The following LDLRAD1 variants were observed in gnomAD, a reference collection of about 807,000 sequenced individuals.
LDLRAD1 encodes low-density lipoprotein receptor class A domain-containing protein 1.
LDLRAD1 carries 17 observed loss-of-function variants against 24.8 expected under a neutral mutation model. That is an observed-to-expected ratio of 0.69 (90% confidence interval 0.47 to 1.03). LDLRAD1 has a LOEUF of 1.03. Among genes scored for constraint, LDLRAD1 ranks in the 50% least tolerant of loss-of-function variants. The pLI is 0.00. For missense variants in LDLRAD1, 277 were observed against 271.0 expected (o/e 1.02, Z -0.16); for synonymous variants, 103 against 108.2 (o/e 0.95, Z 0.30).
At chr1:54,009,991 C>G (rs1482615014) in intron 5 of LDLRAD1, among the ~76,000 whole-genome samples, 1 of 152,160 alleles carries the variant, frequency 6.6e-6, no homozygotes, top group Non-Finnish European at 1.5e-5. Flanking sequence ...GGTTCAAATC[C>G]CAGCTGGGCC....
intron 3 of LDLRAD1, among the ~76,000 whole-genome samples, chr1:54,013,067 G>T (rs568763818): frequency 1.4e-4 from 22 of 152,114 alleles, no homozygotes; most frequent in East Asian, 3.9e-4. Context: ...GAGGCGGCGG[G>T]GGGGAGCAAC....
At chr1:54,014,124 A>C (rs1656185628) in intron 3 of LDLRAD1, 112 bp downstream of exon 3, 2 of 1,265,142 alleles carry the variant, frequency 1.6e-6, no homozygotes, top group Admixed American at 4.4e-5. Context: ...TTAAGGAATT[A>C]GTCCAAAGTC....
At chr1:54,016,645 A>C (rs1041569486) in intron 2 of LDLRAD1, among the ~76,000 whole-genome samples, 8 of 152,110 alleles carry the variant, frequency 5.3e-5, no homozygotes, top group African/African-American at 1.7e-4. Flanking sequence ...AACCAGAGAG[A>C]CCTCAGTTCA....
At chr1:54,014,797 T>C (rs899066240) in intron 2 of LDLRAD1, among the ~76,000 whole-genome samples, 3 of 152,244 alleles carry the variant, frequency 2.0e-5, no homozygotes, top group African/African-American at 4.8e-5. Flanking sequence ...AAAAGATTCA[T>C]GTCACCCTGG....
rs1655872101 is a variant in LDLRAD1, at chr1:54,007,640, T to C, written c.*1342A>G. On this transcript the variant is annotated 3_prime_UTR_variant, in exon 6 of 6. Transcript: ENST00000371360. ...TCCTATTTTTTGTAGAGACAGGTTC[T>C]CCCTATGTTGCCCAGGCTGGTCTCG... 1 of 152,314 alleles carries C rather than the reference T, an allele frequency of 6.6e-6. No homozygotes were observed. Among genetic ancestry groups the C allele is most frequent in the Non-Finnish European group, 1.5e-5 (1 of 68,182 alleles). The allele number at this position is 152,314 out of a possible 1,614,324, so 9.4% of individuals were successfully genotyped here. A position where few individuals can be genotyped will look rare whatever the true frequency, so the allele number is the denominator to read the frequency against.
Position 54,008,807 on chromosome 1 carries a change from A to G in LDLRAD1, c.*175T>C, listed in dbSNP as rs1655919179. 1.6e-6 allele frequency: 1 copy of G among 611,190 alleles called. No homozygotes were observed. The highest frequency in any genetic ancestry group is 2.9e-5 in the East Asian group (1 of 34,604). The allele number at this position is 611,190 out of a possible 1,614,324, so 37.9% of individuals were successfully genotyped here. ...TAATGAGCTCCTGGTCATTGGAAGC[A>G]TTCAAGCAGAGGCTGAACAACTTGA... is the stretch of plus-strand genomic sequence containing the variant. On this transcript the variant is annotated 3_prime_UTR_variant, in exon 6 of 6. Transcript: ENST00000371360.
intron 4 of LDLRAD1, among the ~76,000 whole-genome samples, chr1:54,010,646 C>G (rs1450019965): frequency 6.6e-6 from 1 of 152,060 alleles, no homozygotes; most frequent in Non-Finnish European, 1.5e-5. Flanking sequence ...AGTTCCTCCC[C>G]AGCTCTGGTG....
At chr1:54,015,971 T>C (rs1656289226) in intron 2 of LDLRAD1, among the ~76,000 whole-genome samples, 1 of 152,006 alleles carries the variant, frequency 6.6e-6, no homozygotes, top group Non-Finnish European at 1.5e-5. Flanking sequence ...TTGTGAACAC[T>C]CTGTGAATAT....
intron 4 of LDLRAD1, 103 bp from the exon 5 acceptor site, chr1:54,010,513 G>T (rs1656007114): frequency 2.5e-6 from 3 of 1,189,158 alleles, no homozygotes; most frequent in Admixed American, 2.0e-5. Flanking sequence ...CCAAACTCAG[G>T]ATCAGTGCCC....
intron 1 of LDLRAD1, among the ~76,000 whole-genome samples, 189 bp downstream of exon 1, chr1:54,017,903 C>T (rs1170069421): frequency 6.6e-6 from 1 of 152,144 alleles, no homozygotes; most frequent in Admixed American, 6.5e-5. Context: ...TATGCCCACT[C>T]TCTACTGCCC....
chr1:54,014,528 A>T (rs1469077824), intron 2 of LDLRAD1, among the ~76,000 whole-genome samples, 164 bp from the exon 3 acceptor site: 1 of 152,046 alleles, frequency 6.6e-6, no homozygotes, highest in Non-Finnish European at 1.5e-5. Context: ...GCCCTCCTTG[A>T]TGCTCTTTGT....
Position 54,008,907 on chromosome 1 carries a change from C to CCG in LDLRAD1, c.*74_*75insCG. ...AAAGGCTGCTTCCTGCCCTTGTGCG[C>CCG]TAGGATTTGATTTTCATGTGAAGGG... On this transcript the variant is annotated 3_prime_UTR_variant, in exon 6 of 6. Coordinates refer to ENST00000371360, the MANE Select transcript of LDLRAD1 (RefSeq NM_001010978.4). The CCG allele has an allele frequency of 7.2e-7, 1 of 1,397,716 alleles. No individual in the cohort carries two copies. The highest frequency in any genetic ancestry group is 9.8e-7 in the Non-Finnish European group (1 of 1,020,108). The allele number at this position is 1,397,716 out of a possible 1,614,324, so 86.6% of individuals were successfully genotyped here.
Position 54,012,150 on chromosome 1 carries a change from G to A in LDLRAD1, c.333C>T (p.Ser111=). 6.2e-7 allele frequency: 1 copy of A among 1,613,894 alleles called. No homozygotes were observed. Among genetic ancestry groups the A allele is most frequent in the African/African-American group, 1.3e-5 (1 of 75,066 alleles). ...CACCGAGCGGGTACTCACGGCACAA[G>A]CTCTCATCCTCGTCCTCGCCGTGGG... is the stretch of plus-strand genomic sequence containing the variant. ...TCTHGEDEDE[S]LCRDVPQSLP... is the part of the protein sequence containing the mutation. The change falls in exon 4 of 6, where the codon AGC becomes AGT. Residue 111 remains serine, a synonymous_variant. Transcript: ENST00000371360.
chr1:54,016,855 C>T (rs1272183837), intron 2 of LDLRAD1, among the ~76,000 whole-genome samples: 1 of 152,200 alleles, frequency 6.6e-6, no homozygotes, highest in Non-Finnish European at 1.5e-5. Flanking sequence ...TTTAATCTAC[C>T]TCTCTGAGTG....
intron 4 of LDLRAD1, among the ~76,000 whole-genome samples, chr1:54,011,903 C>T (rs1405576187): frequency 6.6e-6 from 1 of 152,174 alleles, no homozygotes; most frequent in African/African-American, 2.4e-5. Flanking sequence ...TTGAACTCTG[C>T]CTTGAGGGAT....
chr1:54,007,344 G>A lies in LDLRAD1; in HGVS notation c.*1638C>T, dbSNP rs1234246767. 6.6e-6 allele frequency: 1 copy of A among 152,176 alleles called. No individual in the cohort carries two copies. The highest frequency in any genetic ancestry group is 1.9e-4 in the East Asian group (1 of 5,204). 9.4% of individuals were successfully genotyped at this position (152,176 alleles called of 1,614,324 possible). A position where few individuals can be genotyped will look rare whatever the true frequency, so the allele number is the denominator to read the frequency against. On this transcript the variant is annotated 3_prime_UTR_variant, in exon 6 of 6. Transcript: ENST00000371360. ...TTAATTTTTCAGTGGGGATATGTCT[G>A]TCTCCCTCGACAGGAGCCCTCCCAT...
Position 54,010,140 on chromosome 1 carries a change from G to A in LDLRAD1, c.469+142C>T, listed in dbSNP as rs77057749. 5,419 of 859,724 alleles carry A rather than the reference G, an allele frequency of 6.3e-3. 201 individuals are homozygous for A. The African/African-American group carries it at 0.081, about 13-fold the overall frequency. 53.3% of individuals were successfully genotyped at this position (859,724 alleles called of 1,614,324 possible). On this transcript the variant is annotated intron_variant, in intron 5 of 5. Coordinates refer to ENST00000371360, the MANE Select transcript of LDLRAD1 (RefSeq NM_001010978.4). ...GGTAGTGAGTACCCCATCACAGGAT[G>A]TATTCAAGCAGGGGTAGAAAACTCC... is the stretch of plus-strand genomic sequence containing the variant.
At chr1:54,010,235 T>G (rs763297973) in intron 5 of LDLRAD1, 47 bp downstream of exon 5, 5 of 1,608,610 alleles carry the variant, frequency 3.1e-6, no homozygotes, top group Middle Eastern at 3.4e-4. Flanking sequence ...GCCCTCTGGC[T>G]GCTGCCTGGA....
chr1:54,012,141 A>C lies in LDLRAD1; in HGVS notation c.340+2T>G. ...GAGGGGCAGCACCGAGCGGGTACTC[A>C]CGGCACAAGCTCTCATCCTCGTCCT... On this transcript the variant is annotated splice_donor_variant, in intron 4 of 5. Transcript: ENST00000371360. LOFTEE classifies it high-confidence loss of function. 2 of 1,613,772 alleles carry C rather than the reference A, an allele frequency of 1.2e-6. No homozygotes were observed. Among genetic ancestry groups the C allele is most frequent in the Non-Finnish European group, 1.7e-6 (2 of 1,179,956 alleles).
Sources: gnomAD v4.1 joint callset for allele counts (sites outside exome capture counted in the v4.1 genomes callset) on GRCh38, gnomAD v4.1.1 for gene constraint, MANE v1.5 for transcripts, NCBI Gene and HGNC (gene_info 2026-07-23, HGNC 2026-07-21) for gene names.